MRPS23: variants seen among roughly 807,000 people sequenced by gnomAD.
MRPS23 encodes small ribosomal subunit protein mS23.
MRPS23 carries 14 observed loss-of-function variants against 19.8 expected under a neutral mutation model. The observed-to-expected ratio is 0.71, with a 90% CI of 0.47 to 1.11. The LOEUF (loss-of-function observed/expected upper bound fraction) is 1.11, where lower values mean the gene tolerates loss of function less well. Ranked by LOEUF, MRPS23 falls within the 50% of genes least tolerant of loss-of-function variation. The pLI is 0.00. For synonymous variants in MRPS23, 113 were observed against 89.7 expected (o/e 1.26, Z -1.47); for missense variants, 242 against 236.7 (o/e 1.02, Z -0.15).
At chr17:57,844,465 A>G (rs1597952949) in intron 2 of MRPS23, among the ~76,000 whole-genome samples, 1 of 151,936 alleles carries the variant, frequency 6.6e-6, no homozygotes, top group East Asian at 1.9e-4. Context: ...ATTTAAAGAA[A>G]TAATATTTAA....
At chr17:57,844,983 T>C (rs2073763462) in intron 2 of MRPS23, among the ~76,000 whole-genome samples, 1 of 151,990 alleles carries the variant, frequency 6.6e-6, no homozygotes, top group South Asian at 2.1e-4. Flanking sequence ...CTGCAACCTC[T>C]GCCTCCTGGG....
intron 2 of MRPS23, among the ~76,000 whole-genome samples, chr17:57,843,162 G>T (rs1173808485): frequency 1.3e-5 from 2 of 151,534 alleles, no homozygotes; most frequent in Admixed American, 1.3e-4. Flanking sequence ...TGTAGTCCCA[G>T]CTACTCAGGA....
chr17:57,845,639 T>A (rs1272709700), intron 2 of MRPS23, among the ~76,000 whole-genome samples: 1 of 152,222 alleles, frequency 6.6e-6, no homozygotes, highest in East Asian at 1.9e-4. Context: ...GGATGCTAAA[T>A]GTGGCCATAG....
chr17:57,840,008 C>T (rs919886751), intron 4 of MRPS23, 73 bp from the exon 5 acceptor site: 8 of 1,557,486 alleles, frequency 5.1e-6, no homozygotes, highest in Non-Finnish European at 5.3e-6. Context: ...AGATATATAA[C>T]TAGGCACATT....
intron 4 of MRPS23, among the ~76,000 whole-genome samples, chr17:57,840,408 T>C (rs976133910): frequency 6.6e-6 from 1 of 150,452 alleles, no homozygotes; most frequent in African/African-American, 2.4e-5. Context: ...AAAAAGTCTA[T>C]AGAACCAAAT....
intron 1 of MRPS23, 106 bp from the exon 2 acceptor site, chr17:57,849,516 A>G (rs2073798582): frequency 7.3e-7 from 1 of 1,360,946 alleles, no homozygotes; most frequent in African/African-American, 1.5e-5. Flanking sequence ...GCGGTCTGCA[A>G]CACAGAACGG....
chr17:57,848,536 G>A (rs113278599), intron 2 of MRPS23, among the ~76,000 whole-genome samples: 12 of 151,608 alleles, frequency 7.9e-5, no homozygotes, highest in Admixed American at 2.6e-4. Context: ...CACCATGCCC[G>A]GCTAATTTTT....
Position 57,838,289 on chromosome 17 carries a change from C to CAAAAAAAAAAAAAAAAAAAA in MRPS23, c.*1474_*1493dup, listed in dbSNP as rs59289595. The CAAAAAAAAAAAAAAAAAAAA allele has an allele frequency of 5.1e-4, 15 of 29,414 alleles. 1 individual carries two copies. The highest frequency in any genetic ancestry group is 1.3e-3 in the Admixed American group (2 of 1,484). 1.8% of individuals were successfully genotyped at this position (29,414 alleles called of 1,614,324 possible). On this transcript the variant is annotated 3_prime_UTR_variant, in exon 5 of 5. Coordinates refer to ENST00000313608, the MANE Select transcript of MRPS23 (RefSeq NM_016070.4). ...TGGGAAACAAAGTGATACTCCATCGCAAAAAAAAAAAAAAAAAAAAAAAAA... is the reference window on the plus strand; with the variant it reads ...TGGGAAACAAAGTGATACTCCATCGCAAAAAAAAAAAAAAAAAAAAAAAAAAAAAAAAAAAAAAAAAAAAA...
intron 2 of MRPS23, among the ~76,000 whole-genome samples, chr17:57,843,334 C>G (rs1359314099): frequency 6.6e-6 from 1 of 151,758 alleles, no homozygotes; most frequent in Non-Finnish European, 1.5e-5. Flanking sequence ...CTTAGCCAAC[C>G]TAATAGGTAA....
chr17:57,844,775 CA>C (rs570457265), intron 2 of MRPS23, among the ~76,000 whole-genome samples: 69,149 of 98,920 alleles, frequency 0.7, 22,112 homozygotes, highest in South Asian at 0.79. Context: ...GACTCCATCT[CA>C]AAAAAAAAAA....
At chr17:57,847,646 A>G (rs2073784995) in intron 2 of MRPS23, among the ~76,000 whole-genome samples, 1 of 138,718 alleles carries the variant, frequency 7.2e-6, no homozygotes, top group South Asian at 2.6e-4. Flanking sequence ...TGGGAGACAG[A>G]GTGAGACTCC....
At chr17:57,848,414 G>A (rs56113466) in intron 2 of MRPS23, among the ~76,000 whole-genome samples, 1,859 of 151,844 alleles carry the variant, frequency 0.012, 46 homozygotes, top group African/African-American at 0.043. Context: ...TCTCTCTGTC[G>A]CCCAGGCTGG....
rs148471639 is a variant in MRPS23, at chr17:57,849,330, C to T, written c.125G>A (p.Arg42Lys). Residue 42 changes from arginine to lysine, a missense_variant, in exon 2 of 5, where the codon AGG (arginine) becomes AAG (lysine). Transcript: ENST00000313608. ...TCGAGGCCTTTGGAAGACGGGCTCC[C>T]TCAGCGGGGGAAAGGCGTCATATAC... ...FDVYDAFPPL[R>K]EPVFQRPRVR... The T allele has an allele frequency of 7.9e-4, 1,268 of 1,614,234 alleles. 2 individuals carry two copies. The highest frequency in any genetic ancestry group is 1.0e-3 in the Non-Finnish European group (1,229 of 1,180,050).
chr17:57,846,243 G>A (rs981774143), intron 2 of MRPS23, among the ~76,000 whole-genome samples: 4 of 143,394 alleles, frequency 2.8e-5, no homozygotes, highest in Admixed American at 6.7e-5. Flanking sequence ...CCCCGTCCGG[G>A]AGGGAGGTGG....
chr17:57,844,413 A>G (rs1356489139), intron 2 of MRPS23, among the ~76,000 whole-genome samples: 2 of 151,640 alleles, frequency 1.3e-5, no homozygotes, highest in Non-Finnish European at 2.9e-5. Flanking sequence ...AATAATTTTT[A>G]TATATTCTGA....
chr17:57,838,122 T>G lies in MRPS23; in HGVS notation c.*1661A>C, dbSNP rs2073717184. 6.6e-6 allele frequency: 1 copy of G among 151,498 alleles called. No individual in the cohort carries two copies. The highest frequency in any genetic ancestry group is 1.5e-5 in the Non-Finnish European group (1 of 67,886). The allele number at this position is 151,498 out of a possible 1,614,324, so 9.4% of individuals were successfully genotyped here. A position where few individuals can be genotyped will look rare whatever the true frequency, so the allele number is the denominator to read the frequency against. On this transcript the variant is annotated 3_prime_UTR_variant, in exon 5 of 5. Transcript: ENST00000313608. ...TGGGCAACATGGTTAAAAGCCCGTT[T>G]CTACTAAAAATACAAAAATTAGCCG... is the stretch of plus-strand genomic sequence containing the variant.
rs2073796683 is a variant in MRPS23, at chr17:57,849,304, C to G, written c.151G>C (p.Val51Leu). 3 of 1,614,106 alleles carry G rather than the reference C, an allele frequency of 1.9e-6. No homozygotes were observed. The highest frequency in any genetic ancestry group is 2.5e-6 in the Non-Finnish European group (3 of 1,180,064). Residue 51 changes from valine (V) to leucine (L), a missense_variant, in exon 2 of 5, where the codon GTG becomes CTG. By Grantham distance (32) the Val-to-Leu change is conservative (BLOSUM62 1). Transcript: ENST00000313608. Reference sequence around the variant, plus strand: ...GGAGCTTTGGCTTTGCCATATCGCACTCGAGGCCTTTGGAAGACGGGCTCC... The same window carrying G: ...GGAGCTTTGGCTTTGCCATATCGCAGTCGAGGCCTTTGGAAGACGGGCTCC... ...LREPVFQRPRVRYGKAKAPIQ... is the reference protein window; with the variant it reads ...LREPVFQRPRLRYGKAKAPIQ...
rs544265311 is a variant in MRPS23 at position 57,842,367 on chromosome 17, G to T, written c.216-1107C>A. Among the ~76,000 whole-genome samples the T allele has an allele frequency of 3.3e-5, 5 of 152,266 alleles. No individual in the cohort carries two copies. The East Asian group carries it at 9.6e-4, about 29-fold the overall frequency. On this transcript the variant is annotated intron_variant, in intron 2 of 4. Transcript: ENST00000313608. The stretch of plus-strand genomic sequence containing the variant: ...AAGTGACATGTAGAAAACTCACAAA[G>T]CTGTGCAACTAGCACCTCTATCAAG...
chr17:57,842,887 TATATACACACACAC>T (rs1328807399), intron 2 of MRPS23, among the ~76,000 whole-genome samples: 3 of 97,580 alleles, frequency 3.1e-5, no homozygotes, highest in South Asian at 4.0e-4. Context: ...AAAATATATA[TATATACACACACAC>T]ACACACACAC....
Sources: allele counts gnomAD v4.1 joint callset (sites outside exome capture counted in the v4.1 genomes callset), GRCh38; gene constraint gnomAD v4.1.1; transcripts MANE v1.5; gene names NCBI Gene and HGNC (gene_info 2026-07-23, HGNC 2026-07-21).